Variants in RAF1 observed in about 807,000 individuals in gnomAD.
The protein encoded by RAF1 is RAF proto-oncogene serine/threonine-protein kinase.
Under a neutral mutation model 81.1 loss-of-function variants are expected in RAF1, and 27 were observed. The ratio of observed to expected loss-of-function variants is 0.33; its 90% confidence interval spans 0.25 to 0.46. The LOEUF (loss-of-function observed/expected upper bound fraction) is 0.46. Among genes scored for constraint, RAF1 ranks in the 20% least tolerant of loss-of-function variants. The pLI, the probability that RAF1 is intolerant of heterozygous loss-of-function variation, is 1.00. For synonymous variants in RAF1, 298 were observed against 294.0 expected (o/e 1.01, Z -0.14); for missense variants, 598 against 826.0 (o/e 0.72, Z 3.38).
At chr3:12,662,499 C>T (rs2060911285) in intron 1 of RAF1, among the ~76,000 whole-genome samples, 1 of 152,042 alleles carries the variant, frequency 6.6e-6, no homozygotes, top group African/African-American at 2.4e-5. Flanking sequence ...AATGAAGACT[C>T]GGCAACCCAT....
intron 1 of RAF1, among the ~76,000 whole-genome samples, chr3:12,624,336 C>A (rs2059636506): frequency 6.6e-6 from 1 of 152,114 alleles, no homozygotes; most frequent in Non-Finnish European, 1.5e-5. Context: ...ACGCAAACAT[C>A]TGAAAAATCA....
intron 3 of RAF1, among the ~76,000 whole-genome samples, chr3:12,610,479 T>C (rs920705281): frequency 2.0e-5 from 3 of 152,168 alleles, no homozygotes; most frequent in Non-Finnish European, 4.4e-5. Flanking sequence ...TCCAAACCAG[T>C]GCAGCCTTGG....
chr3:12,584,083 A>ATC lies in RAF1; in HGVS notation c.*430_*431insGA, dbSNP rs2058234387. On this transcript the variant is annotated 3_prime_UTR_variant, in exon 18 of 18. Coordinates refer to ENST00000442415, the MANE Select transcript of RAF1 (RefSeq NM_001354689.3). ...CTGGCGCTGCACCACTCTCTGAAGA[A>ATC]AGTCCCGCCTGTGACATGCATTCCT... The ATC allele has an allele frequency of 3.2e-6, 1 of 314,506 alleles. No individual in the cohort carries two copies. Among genetic ancestry groups the ATC allele is most frequent in the Non-Finnish European group, 6.1e-6 (1 of 165,122 alleles). 19.5% of individuals were successfully genotyped at this position (314,506 alleles called of 1,614,324 possible). A position where few individuals can be genotyped will look rare whatever the true frequency, so the allele number is the denominator to read the frequency against.
intron 8 of RAF1, 59 bp from the exon 8 acceptor site, chr3:12,600,474 G>A: frequency 6.3e-7 from 1 of 1,585,510 alleles, no homozygotes; most frequent in Admixed American, 1.7e-5. Context: ...CTCTGGGGGA[G>A]GGAAAAAAGA....
At position 12,605,610 on chromosome 3, in the gene RAF1, T is replaced by G. The variant is rs1246007224; in HGVS notation, c.680+591A>C. Among the ~76,000 whole-genome samples, 3 of 152,140 alleles carry G rather than the reference T, an allele frequency of 2.0e-5. No homozygotes were observed. The East Asian group carries it at 5.8e-4, about 29-fold the overall frequency. On this transcript the variant is annotated intron_variant, in intron 6 of 17. Transcript: ENST00000442415. ...AGATATTTTGGATGTAGATTTTACT[T>G]TAGGTTTCAAATTCATGTGTGTTAA...
chr3:12,618,737 A>T lies in RAF1; in HGVS notation c.-16T>A. ...TGTGCTCCATTGATGCAGCTTAAAC[A>T]ATTCTTAAACCTGGTAAGAAACACA... On this transcript the variant is annotated 5_prime_UTR_variant, in exon 2 of 18. Transcript: ENST00000442415. 1 of 1,613,358 alleles carries T rather than the reference A, an allele frequency of 6.2e-7. No homozygotes were observed. Among genetic ancestry groups the T allele is most frequent in the Non-Finnish European group, 8.5e-7 (1 of 1,179,396 alleles).
At chr3:12,614,037 T>C (rs887338992) in intron 2 of RAF1, among the ~76,000 whole-genome samples, 2 of 152,156 alleles carry the variant, frequency 1.3e-5, no homozygotes, top group African/African-American at 2.4e-5. Context: ...ACCGATGGTT[T>C]TTCCTCTCCT....
chr3:12,650,145 C>CAAAAAAAAA (rs36098034), intron 1 of RAF1, among the ~76,000 whole-genome samples: 1 of 76,934 alleles, frequency 1.3e-5, no homozygotes, highest in African/African-American at 4.9e-5. Context: ...GACTCCATCT[C>CAAAAAAAAA]AAAAAAAAAA....
chr3:12,662,155 C>T (rs907700849), intron 1 of RAF1, among the ~76,000 whole-genome samples: 2 of 149,650 alleles, frequency 1.3e-5, no homozygotes, highest in African/African-American at 4.9e-5. Context: ...GGCAACACTG[C>T]CAGACTCCAT....
Position 12,622,533 on chromosome 3 carries a change from A to C in RAF1, c.-26-3786T>G, listed in dbSNP as rs143804289. On this transcript the variant is annotated intron_variant, in intron 1 of 17. Transcript: ENST00000442415. ...GCTGGTTTTTTCACATCTTGTCTCC[A>C]CCCAAGAGACATCTCTTTAGAGAGG... is the stretch of plus-strand genomic sequence containing the variant. 2.6e-3 allele frequency among the ~76,000 whole-genome samples: 398 copies of C among 152,262 alleles called. 2 individuals carry two copies. Among genetic ancestry groups the C allele is most frequent in the African/African-American group, 9.2e-3 (381 of 41,566 alleles).
At chr3:12,635,370 C>A in intron 1 of RAF1, among the ~76,000 whole-genome samples, 1 of 144,758 alleles carries the variant, frequency 6.9e-6, no homozygotes, top group South Asian at 2.2e-4. Context: ...GGGGCCATGG[C>A]TCACACCTGC....
At chr3:12,590,128 AAAC>A (rs1194915970) in intron 13 of RAF1, 1 of 151,972 alleles carries the variant, frequency 6.6e-6, no homozygotes, top group East Asian at 1.9e-4. Flanking sequence ...ATTATCCCAA[AAAC>A]AACATCTGCT....
intron 1 of RAF1, among the ~76,000 whole-genome samples, chr3:12,646,841 G>A (rs1226691658): frequency 2.0e-5 from 3 of 151,650 alleles, no homozygotes; most frequent in Non-Finnish European, 4.4e-5. Flanking sequence ...GAGCCACCAC[G>A]CCCAGCCTAA....
intron 1 of RAF1, among the ~76,000 whole-genome samples, chr3:12,619,514 G>A (rs1245070847): frequency 2.0e-5 from 3 of 149,154 alleles, no homozygotes; most frequent in South Asian, 2.1e-4. Context: ...GCAGTGAGTC[G>A]ATATCGTGTC....
intron 1 of RAF1, among the ~76,000 whole-genome samples, chr3:12,645,372 TATCCCTTTTTTTGATGAAGA>T (rs1254734858): frequency 2.0e-5 from 3 of 152,196 alleles, no homozygotes; most frequent in African/African-American, 7.2e-5. Context: ...TTATTCATAC[TATCCCTTTTTTTGATGAAGA>T]AAAAAAGTAA....
At chr3:12,616,958 G>C (rs968447281) in intron 2 of RAF1, among the ~76,000 whole-genome samples, 11 of 151,906 alleles carry the variant, frequency 7.2e-5, no homozygotes, top group African/African-American at 2.4e-4. Flanking sequence ...TTTGAGAAGG[G>C]GTCTGGCTCT....
rs140806518 is a variant in RAF1, at chr3:12,618,692, C to T, written c.30G>A (p.Thr10=). 10 of 1,614,142 alleles carry T rather than the reference C, an allele frequency of 6.2e-6. No homozygotes were observed. Among genetic ancestry groups the T allele is most frequent in the Non-Finnish European group, 7.6e-6 (9 of 1,180,036 alleles). The change falls in exon 2 of 18, where the codon ACG becomes ACA. Residue 10 remains threonine, a synonymous_variant. Coordinates refer to ENST00000442415, the MANE Select transcript of RAF1 (RefSeq NM_001354689.3). ...CTTTGAATCCAAAACCATTGCTGAT[C>T]GTCTTCCAAGCTCCCTGTATGTGCT...
chr3:12,619,897 A>C (rs896001005), intron 1 of RAF1, among the ~76,000 whole-genome samples: 2 of 151,862 alleles, frequency 1.3e-5, no homozygotes, highest in Non-Finnish European at 2.9e-5. Context: ...CCTAGCTAAC[A>C]CAGGGATACC....
chr3:12,588,539 T>C (rs952140627), intron 13 of RAF1: 5 of 152,224 alleles, frequency 3.3e-5, no homozygotes, highest in Non-Finnish European at 7.3e-5. Flanking sequence ...ACATGGTGAG[T>C]ATTTGTGTCT....
Sources: allele counts gnomAD v4.1 joint callset (sites outside exome capture counted in the v4.1 genomes callset), GRCh38; gene constraint gnomAD v4.1.1; transcripts MANE v1.5; gene names NCBI Gene and HGNC (gene_info 2026-07-23, HGNC 2026-07-21).